MACROD1: variants seen among roughly 807,000 people sequenced by gnomAD.
The protein encoded by MACROD1 is ADP-ribose glycohydrolase MACROD1.
Under a neutral mutation model 41.4 loss-of-function variants are expected in MACROD1, and 31 were observed. The observed-to-expected ratio is 0.75, with a 90% CI of 0.56 to 1.01. MACROD1 has a LOEUF of 1.01. MACROD1 is among the 50% of genes least tolerant of loss of function. MACROD1 has a pLI of 0.00. For synonymous variants in MACROD1, 252 were observed against 203.4 expected, an observed-to-expected ratio of 1.24 and a Z score of -2.03; for missense variants, 473 against 460.0, an observed-to-expected ratio of 1.03 and a Z score of -0.26.
At chr11:64,102,473 C>T (rs1944687702) in intron 3 of MACROD1, among the ~76,000 whole-genome samples, 1 of 152,228 alleles carries the variant, frequency 6.6e-6, no homozygotes, top group Non-Finnish European at 1.5e-5. Context: ...AAAGGCAGTG[C>T]TTGTTCTGGA....
At chr11:64,158,138 G>C (rs1314589940) in intron 1 of MACROD1, among the ~76,000 whole-genome samples, 1 of 152,222 alleles carries the variant, frequency 6.6e-6, no homozygotes, top group Admixed American at 6.5e-5. Context: ...AATCCCACGG[G>C]GGCTGAAATT....
intron 3 of MACROD1, among the ~76,000 whole-genome samples, chr11:64,019,410 C>A (rs185677212): frequency 1.3e-5 from 2 of 152,228 alleles, no homozygotes. Context: ...CCCCTCCTCC[C>A]GGCCCTCCTC....
At chr11:64,075,513 G>A (rs1944184488) in intron 3 of MACROD1, among the ~76,000 whole-genome samples, 1 of 152,256 alleles carries the variant, frequency 6.6e-6, no homozygotes, top group Non-Finnish European at 1.5e-5. Context: ...CCCCAGCTGG[G>A]CTCAAACCGA....
rs1220106461 is a variant in MACROD1 at position 63,999,712 on chromosome 11, T to A, written c.716A>T (p.Gln239Leu). 1 of 1,608,700 alleles carries A rather than the reference T, an allele frequency of 6.2e-7. No homozygotes were observed. Among genetic ancestry groups the A allele is most frequent in the East Asian group, 2.2e-5 (1 of 44,846 alleles). ...GTAGCAGCTGCGGAGCTCGGCAGCC[T>A]GACTGGCGCTGGGCTCCCCGTAGGC... ...PIAYGEPSAS[Q>L]AAELRSCYLS... Residue 239 changes from glutamine (Q) to leucine (L), a missense_variant, in exon 6 of 11, where the codon CAG becomes CTG. Gln to Leu is a moderately radical substitution (Grantham distance 113). Transcript: ENST00000255681.
chr11:64,013,655 G>T (rs986194056), intron 4 of MACROD1, among the ~76,000 whole-genome samples: 1 of 152,154 alleles, frequency 6.6e-6, no homozygotes, highest in Non-Finnish European at 1.5e-5. Context: ...GGACAGAAAG[G>T]CCCACCCCCT....
At chr11:64,011,244 G>A (rs1378002413) in intron 4 of MACROD1, among the ~76,000 whole-genome samples, 1 of 148,014 alleles carries the variant, frequency 6.8e-6, no homozygotes, top group African/African-American at 2.5e-5. Context: ...GTTGGTTGGG[G>A]TGTTTGCTGG....
intron 3 of MACROD1, among the ~76,000 whole-genome samples, chr11:64,041,384 A>G (rs571773709): frequency 2.6e-5 from 4 of 151,842 alleles, no homozygotes; most frequent in South Asian, 4.2e-4. Context: ...TGCTCGGGAA[A>G]ATGTCCTCAA....
intron 3 of MACROD1, among the ~76,000 whole-genome samples, chr11:64,091,685 AGCT>A (rs1439790996): frequency 6.6e-6 from 1 of 152,186 alleles, no homozygotes; most frequent in Non-Finnish European, 1.5e-5. Flanking sequence ...CAAGGGGCAC[AGCT>A]GCTGAAGTTG....
chr11:64,088,386 C>T (rs977758541), intron 3 of MACROD1, among the ~76,000 whole-genome samples: 5 of 152,114 alleles, frequency 3.3e-5, no homozygotes, highest in South Asian at 2.1e-4. Context: ...CTGCGGGCCT[C>T]GGGGTCCTCA....
intron 4 of MACROD1, among the ~76,000 whole-genome samples, chr11:64,003,525 G>A (rs1261324776): frequency 6.6e-6 from 1 of 152,162 alleles, no homozygotes; most frequent in African/African-American, 2.4e-5. Flanking sequence ...TTGAGACAGG[G>A]TCTTGCTATG....
At chr11:63,998,806 G>C in intron 10 of MACROD1, 32 bp downstream of exon 10, 2 of 1,494,246 alleles carry the variant, frequency 1.3e-6, no homozygotes, top group South Asian at 1.3e-5. Context: ...GTCTAGGGCC[G>C]GGGCCGCCGC....
chr11:64,091,183 A>T (rs1565228210), intron 3 of MACROD1, among the ~76,000 whole-genome samples: 1 of 151,730 alleles, frequency 6.6e-6, no homozygotes, highest in Non-Finnish European at 1.5e-5. Flanking sequence ...CTAAGACTCC[A>T]GCTCCTGGGG....
At chr11:64,025,426 C>A (rs1943211903) in intron 3 of MACROD1, among the ~76,000 whole-genome samples, 1 of 152,220 alleles carries the variant, frequency 6.6e-6, no homozygotes, top group Admixed American at 6.5e-5. Context: ...CCCCTCACCC[C>A]TCATGCCTTC....
At chr11:64,080,494 C>A (rs1363854274) in intron 3 of MACROD1, among the ~76,000 whole-genome samples, 1 of 152,112 alleles carries the variant, frequency 6.6e-6, no homozygotes, top group Non-Finnish European at 1.5e-5. Flanking sequence ...TAAAAAGAAG[C>A]CTCAGGTTTA....
At chr11:64,093,444 C>T (rs1041461025) in intron 3 of MACROD1, among the ~76,000 whole-genome samples, 2 of 152,254 alleles carry the variant, frequency 1.3e-5, no homozygotes, top group African/African-American at 4.8e-5. Context: ...GGCATGCTCA[C>T]CGCTGCCTGG....
At chr11:64,040,755 G>A (rs1399600424) in intron 3 of MACROD1, among the ~76,000 whole-genome samples, 1 of 152,156 alleles carries the variant, frequency 6.6e-6, no homozygotes, top group Non-Finnish European at 1.5e-5. Flanking sequence ...GAATGTTCCC[G>A]GTGCAGGGAA....
At chr11:64,136,837 A>G (rs546799814) in intron 3 of MACROD1, among the ~76,000 whole-genome samples, 1 of 152,256 alleles carries the variant, frequency 6.6e-6, no homozygotes, top group African/African-American at 2.4e-5. Flanking sequence ...CCAACCAGGG[A>G]GCCCCTCCCT....
intron 3 of MACROD1, chr11:64,118,025 G>A: frequency 6.2e-7 from 1 of 1,613,686 alleles, no homozygotes; most frequent in Non-Finnish European, 8.5e-7. Flanking sequence ...TGCTGACCCG[G>A]GAGAGGGCCT....
intron 3 of MACROD1, among the ~76,000 whole-genome samples, chr11:64,115,915 C>G (rs897415377): frequency 3.2e-4 from 48 of 152,196 alleles, no homozygotes; most frequent in African/African-American, 1.2e-3. Flanking sequence ...AATTAACCTC[C>G]CTGAGGCTCC....
Sources: allele counts gnomAD v4.1 joint callset (sites outside exome capture counted in the v4.1 genomes callset), GRCh38; gene constraint gnomAD v4.1.1; transcripts MANE v1.5; gene names NCBI Gene and HGNC (gene_info 2026-07-23, HGNC 2026-07-21).